ADRA1A: variants seen among roughly 807,000 people sequenced by gnomAD.
The protein encoded by ADRA1A is adrenoceptor alpha 1A.
In ADRA1A, 31 loss-of-function variants were observed where a neutral mutation model predicts 29.6. The ratio of observed to expected loss-of-function variants is 1.05; its 90% CI spans 0.79 to 1.41. ADRA1A has a LOEUF of 1.41. Ranked by LOEUF, ADRA1A falls within the 40% of genes most tolerant of loss-of-function variation. The pLI, the probability that ADRA1A is intolerant of heterozygous loss-of-function variation, is 0.00. For missense variants in ADRA1A, 619 were observed against 601.1 expected (o/e 1.03, Z -0.31); for synonymous variants, 311 against 254.3 (o/e 1.22, Z -2.12).
intron 2 of ADRA1A, among the ~76,000 whole-genome samples, chr8:26,757,862 C>CGCACACACAT (rs59878632): frequency 8.0e-6 from 1 of 124,314 alleles, no homozygotes; most frequent in Non-Finnish European, 1.7e-5. Flanking sequence ...AGCACACGCA[C>CGCACACACAT]ACACACAGGC....
In ADRA1A at chr8:26,756,692, C is replaced by T. The variant is rs1223675921; in HGVS notation, c.*67G>A. The T allele has an allele frequency of 2.5e-6, 4 of 1,613,518 alleles. No individual in the cohort carries two copies. In the African/African-American group the frequency reaches 5.3e-5, roughly 22 times the overall value. On this transcript the variant is annotated 3_prime_UTR_variant, in exon 3 of 3. Coordinates refer to the ADRA1A transcript ENST00000380582. ...TTCCAAAGACAGTGGGTCGCAGGACCAGTGGTGGGTTTCATGCTCCCCTTC... is the reference window on the plus strand; with the variant it reads ...TTCCAAAGACAGTGGGTCGCAGGACTAGTGGTGGGTTTCATGCTCCCCTTC...
chr8:26,852,436 AC>A (rs1360912836), intron 2 of ADRA1A, among the ~76,000 whole-genome samples: 1 of 152,104 alleles, frequency 6.6e-6, no homozygotes. Context: ...TAAATTCAGG[AC>A]TTGGATTCTT....
intron 2 of ADRA1A, among the ~76,000 whole-genome samples, chr8:26,835,483 AG>A (rs1698361704): frequency 6.6e-6 from 1 of 152,202 alleles, no homozygotes; most frequent in African/African-American, 2.4e-5. Context: ...TGAAAGGGGA[AG>A]CAAACACATC....
intron 2 of ADRA1A, among the ~76,000 whole-genome samples, chr8:26,804,942 C>G (rs764429613): frequency 2.6e-5 from 4 of 152,186 alleles, no homozygotes; most frequent in African/African-American, 7.2e-5. Context: ...GGATTTGCAT[C>G]AAAATAAGCT....
At chr8:26,759,042 C>A (rs970886280) in intron 2 of ADRA1A, among the ~76,000 whole-genome samples, 4 of 152,174 alleles carry the variant, frequency 2.6e-5, no homozygotes, top group Non-Finnish European at 4.4e-5. Flanking sequence ...TTATAGGCAG[C>A]AAAATGATTT....
intron 2 of ADRA1A, among the ~76,000 whole-genome samples, chr8:26,849,187 A>G (rs1411632710): frequency 2.0e-5 from 3 of 152,254 alleles, no homozygotes; most frequent in Non-Finnish European, 4.4e-5. Context: ...TAAAAAACTG[A>G]TGAATCCTCG....
chr8:26,832,147 T>C lies in ADRA1A; in HGVS notation c.883+31940A>G, dbSNP rs73680935. On this transcript the variant is annotated intron_variant, in intron 2 of 2. Transcript: ENST00000380573. Reference sequence around the variant, plus strand: ...AATGTTGAAGTTGGGAACGAAGTCTTTGGAGTGGATTAGCCCTTTGATCTT... The same window carrying C: ...AATGTTGAAGTTGGGAACGAAGTCTCTGGAGTGGATTAGCCCTTTGATCTT... 6.8e-3 allele frequency among the ~76,000 whole-genome samples: 1,029 copies of C among 152,318 alleles called. 8 individuals carry two copies. The highest frequency in any genetic ancestry group is 0.024 in the African/African-American group (989 of 41,570).
chr8:26,822,803 G>A (rs1810271554), intron 2 of ADRA1A, among the ~76,000 whole-genome samples: 1 of 152,148 alleles, frequency 6.6e-6, no homozygotes, highest in South Asian at 2.1e-4. Flanking sequence ...GAGATCTCAG[G>A]AAACTTACAA....
Position 26,859,234 on chromosome 8 carries a change from T to G in ADRA1A, c.883+4853A>C, listed in dbSNP as rs1296988662. 2.5e-6 allele frequency: 3 copies of G among 1,215,414 alleles called. No homozygotes were observed. The South Asian group carries it at 3.9e-5, about 16-fold the overall frequency. 75.3% of individuals were successfully genotyped at this position (1,215,414 alleles called of 1,614,324 possible). ...GAATATAATAATATGATAGTATATT[T>G]ATTCTTCTGCTCACATTTTGCATGA... On this transcript the variant is annotated intron_variant, in intron 2 of 2. Transcript: ENST00000380573.
At chr8:26,779,488 C>T in intron 2 of ADRA1A, 1 of 666,934 alleles carries the variant, frequency 1.5e-6, no homozygotes, top group South Asian at 1.6e-5. Context: ...TCTGTAAGAG[C>T]AGATGCTTCT....
intron 2 of ADRA1A, among the ~76,000 whole-genome samples, chr8:26,790,349 C>T (rs976902598): frequency 6.6e-6 from 1 of 152,030 alleles, no homozygotes; most frequent in East Asian, 1.9e-4. Flanking sequence ...GTGAAATAAG[C>T]CAGGAACAGA....
chr8:26,825,832 T>C lies in ADRA1A; in HGVS notation c.883+38255A>G, dbSNP rs1810516308. On this transcript the variant is annotated intron_variant, in intron 2 of 2. Coordinates refer to ENST00000380573, the MANE Select transcript of ADRA1A (RefSeq NM_000680.4). This position sits in a 1 kb window ranked among gnomAD's most constrained non-coding sequence, Gnocchi z 5.7. ...CAGTGTTGATTGCCTGTTTGATACC[T>C]GCTTAAAACAGAAAATCGACTTCCA... is the stretch of plus-strand genomic sequence containing the variant. Among the ~76,000 whole-genome samples the C allele has an allele frequency of 6.6e-6, 1 of 152,258 alleles. No homozygotes were observed. Among genetic ancestry groups the C allele is most frequent in the Non-Finnish European group, 1.5e-5 (1 of 68,048 alleles).
intron 2 of ADRA1A, among the ~76,000 whole-genome samples, chr8:26,850,144 A>G (rs1379297230): frequency 6.6e-6 from 1 of 152,090 alleles, no homozygotes; most frequent in African/African-American, 2.4e-5. Context: ...CTTTAGAGCA[A>G]AAGGTGCACT....
chr8:26,821,527 C>T lies in ADRA1A; in HGVS notation c.883+42560G>A, dbSNP rs940100934. Reference sequence around the variant, plus strand: ...CCAACTCCCTGATCCAATCACCTCCCACCAGGCCCCACCTCCAACATTGGG... The same window carrying T: ...CCAACTCCCTGATCCAATCACCTCCTACCAGGCCCCACCTCCAACATTGGG... On this transcript the variant is annotated intron_variant, in intron 2 of 2. Transcript: ENST00000380573. This position sits in a 1 kb window ranked among gnomAD's most constrained non-coding sequence, Gnocchi z 5.6. Among the ~76,000 whole-genome samples the T allele has an allele frequency of 2.0e-5, 3 of 152,178 alleles. No individual in the cohort carries two copies. The highest frequency in any genetic ancestry group is 2.9e-5 in the Non-Finnish European group (2 of 68,026).
chr8:26,861,788 C>T (rs1259289141), intron 2 of ADRA1A, among the ~76,000 whole-genome samples: 2 of 152,092 alleles, frequency 1.3e-5, no homozygotes, highest in Non-Finnish European at 2.9e-5. Context: ...TTTCTCACAC[C>T]CTTGTCCACA....
intron 2 of ADRA1A, chr8:26,779,173 A>G (rs566126313): frequency 1.6e-6 from 1 of 612,852 alleles, no homozygotes; most frequent in Admixed American, 2.7e-5. Context: ...AGACCAGGTT[A>G]TCTCTCTCAC....
At chr8:26,764,950 C>G (rs2130235685), downstream of ADRA1A, among the ~76,000 whole-genome samples, 2 of 152,262 alleles carry the variant, frequency 1.3e-5, no homozygotes, top group Middle Eastern at 6.8e-3. Flanking sequence ...TATAACGTGG[C>G]TGCACTGAAT....
intron 2 of ADRA1A, among the ~76,000 whole-genome samples, chr8:26,800,263 A>G (rs937048061): frequency 6.6e-6 from 1 of 152,216 alleles, no homozygotes; most frequent in African/African-American, 2.4e-5. Flanking sequence ...GGTCTCAAAA[A>G]AAAAGAGAAA....
intron 2 of ADRA1A, among the ~76,000 whole-genome samples, chr8:26,826,180 A>G (rs926196916): frequency 3.9e-5 from 6 of 152,344 alleles, no homozygotes; most frequent in Non-Finnish European, 4.4e-5. Context: ...TCCCTAAGAC[A>G]ATGAAAAGAA....
Sources: gnomAD v4.1 joint callset for allele counts (sites outside exome capture counted in the v4.1 genomes callset) on GRCh38, gnomAD v4.1.1 for gene constraint, Gnocchi (gnomAD v3.1) non-coding constraint, MANE v1.5 for transcripts, NCBI Gene and HGNC (gene_info 2026-07-23, HGNC 2026-07-21) for gene names.